The following ZNF607 variants were observed in gnomAD, a reference collection of about 807,000 sequenced individuals.
The protein encoded by ZNF607 is zinc finger protein 607.
A neutral mutation model predicts 12.8 loss-of-function variants in ZNF607; 5 were observed. The ratio of observed to expected loss-of-function variants is 0.39; its 90% CI spans 0.20 to 0.82. The LOEUF is 0.82. Among genes scored for constraint, ZNF607 ranks in the 40% least tolerant of loss-of-function variants. ZNF607 has a pLI of 0.39. For synonymous variants in ZNF607, 287 were observed against 276.2 expected (o/e 1.04, Z -0.39); for missense variants, 851 against 859.2 (o/e 0.99, Z 0.12).
rs1003021689 is a variant in ZNF607 at position 37,712,955 on chromosome 19, A to G, written c.-74-1263T>C. ...CTGTCCCTGAGAAATCTCCTCTGTGAATGGATGATGGTCTCAATACAGCTT... is the reference window on the plus strand; with the variant it reads ...CTGTCCCTGAGAAATCTCCTCTGTGGATGGATGATGGTCTCAATACAGCTT... On this transcript the variant is annotated intron_variant, in intron 1 of 4. Coordinates refer to ENST00000355202, the MANE Select transcript of ZNF607 (RefSeq NM_032689.5). 2.0e-5 allele frequency among the ~76,000 whole-genome samples: 3 copies of G among 152,136 alleles called. No homozygotes were observed. The East Asian group carries it at 5.8e-4, about 29-fold the overall frequency.
Position 37,698,175 on chromosome 19 carries a change from T to C in ZNF607, c.1956A>G (p.Lys652=), listed in dbSNP as rs764301291. 1 of 1,614,110 alleles carries C rather than the reference T, an allele frequency of 6.2e-7. No individual in the cohort carries two copies. The highest frequency in any genetic ancestry group is 1.1e-5 in the South Asian group (1 of 91,076). Residue 652 remains lysine (K), a synonymous_variant, in exon 5 of 5, where the codon AAA becomes AAG. Coordinates refer to ENST00000355202, the MANE Select transcript of ZNF607 (RefSeq NM_032689.5). ...TAAGTTCATGGCTACTATTAAAAGCTTTCCCACACTCTTCACACATATAGG... is the reference window on the plus strand; with the variant it reads ...TAAGTTCATGGCTACTATTAAAAGCCTTCCCACACTCTTCACACATATAGG... The part of the protein sequence containing the change: ...GNPYMCEECG[K]AFNSSHELSI...
chr19:37,717,919 A>G (rs1246563555), intron 1 of ZNF607, among the ~76,000 whole-genome samples: 2 of 152,046 alleles, frequency 1.3e-5, no homozygotes, highest in Non-Finnish European at 2.9e-5. Context: ...ACAGCTATTT[A>G]TCCTGTGACA....
Position 37,699,542 on chromosome 19 carries a change from A to G in ZNF607, c.589T>C (p.Tyr197His), listed in dbSNP as rs777718238. The stretch of plus-strand genomic sequence containing the variant: ...GCTTCCCCACACTCTTTACATTCAT[A>G]GGGTTTCTCAACATGAACTTTCCCA... Reference protein sequence around the residue: ...QHGKVHVEKPYECKECGEAFR... With the variant: ...QHGKVHVEKPHECKECGEAFR... Residue 197 changes from tyrosine (Y) to histidine (H), a missense_variant, in exon 5 of 5, where the codon TAT becomes CAT. Transcript: ENST00000355202. 3.7e-6 allele frequency: 6 copies of G among 1,613,976 alleles called. No homozygotes were observed. In the African/African-American group the frequency reaches 6.7e-5, roughly 18 times the overall value.
chr19:37,708,140 A>G (rs2145238366), intron 3 of ZNF607, 128 bp from the exon 4 acceptor site: 3 of 661,038 alleles, frequency 4.5e-6, no homozygotes, highest in South Asian at 5.2e-5. Flanking sequence ...TGAGGGAAAT[A>G]AAGAAAAAGA....
chr19:37,698,989 G>GT lies in ZNF607; in HGVS notation c.1141dup (p.Thr381AsnfsTer8), dbSNP rs973380319. 6.2e-7 allele frequency: 1 copy of GT among 1,613,260 alleles called. No homozygotes were observed. The highest frequency in any genetic ancestry group is 8.5e-7 in the Non-Finnish European group (1 of 1,179,832). ...ACCACTATGAATACCCTGATGTCGA[G>GT]TAAGTCGTCCATGCACACTAAAGGC... On this transcript the variant is annotated frameshift_variant, in exon 5 of 5. Transcript: ENST00000355202. LOFTEE classifies it low-confidence loss of function (END_TRUNC).
intron 4 of ZNF607, among the ~76,000 whole-genome samples, chr19:37,701,432 C>T (rs1568403816): frequency 6.6e-6 from 1 of 152,222 alleles, no homozygotes; most frequent in Non-Finnish European, 1.5e-5. Flanking sequence ...ACTACCTGCT[C>T]TGCCCTGACT....
rs2044973843 is a variant in ZNF607 at position 37,696,398 on chromosome 19, A to G, written c.*1642T>C. The G allele has an allele frequency of 4.9e-6, 1 of 204,884 alleles. No individual in the cohort carries two copies. Among genetic ancestry groups the G allele is most frequent in the South Asian group, 9.6e-5 (1 of 10,464 alleles). The allele number at this position is 204,884 out of a possible 1,614,324, so 12.7% of individuals were successfully genotyped here. On this transcript the variant is annotated 3_prime_UTR_variant, in exon 5 of 5. Coordinates refer to ENST00000355202, the MANE Select transcript of ZNF607 (RefSeq NM_032689.5). ...ATATACAGAAGCTAATGTTTATTGAACGTAACAGTATATTTCATGTAGTTT... is the reference window on the plus strand; with the variant it reads ...ATATACAGAAGCTAATGTTTATTGAGCGTAACAGTATATTTCATGTAGTTT...
At chr19:37,714,183 G>T (rs923036050) in intron 1 of ZNF607, among the ~76,000 whole-genome samples, 80 of 151,964 alleles carry the variant, frequency 5.3e-4, no homozygotes, top group African/African-American at 1.8e-3. Flanking sequence ...TTAGCCAGGC[G>T]TGGTGGCGGG....
At chr19:37,707,765 AT>A in intron 4 of ZNF607, 148 bp downstream of exon 4, 1 of 616,168 alleles carries the variant, frequency 1.6e-6, no homozygotes, top group African/African-American at 1.9e-5. Flanking sequence ...ATGCTGAGAT[AT>A]CCATTTCTTC....
At chr19:37,707,243 G>T (rs1293567079) in intron 4 of ZNF607, among the ~76,000 whole-genome samples, 1 of 152,160 alleles carries the variant, frequency 6.6e-6, no homozygotes, top group Non-Finnish European at 1.5e-5. Flanking sequence ...TGTAATCTTG[G>T]CACGTTGGGA....
chr19:37,717,850 A>G (rs1393979346), intron 1 of ZNF607, among the ~76,000 whole-genome samples: 2 of 151,312 alleles, frequency 1.3e-5, no homozygotes, highest in Non-Finnish European at 3.0e-5. Context: ...AGAGTTGCAT[A>G]TATAGTTTGA....
chr19:37,707,969 C>T lies in ZNF607; in HGVS notation c.180G>A (p.Glu60=). ...CAATCATCCATGGCTCTTTTCCTTGCTCCAATAAGGTGATTAAATCTGGCT... is the reference window on the plus strand; with the variant it reads ...CAATCATCCATGGCTCTTTTCCTTGTTCCAATAAGGTGATTAAATCTGGCT... The part of the protein sequence containing the change: ...VSKPDLITLL[E]QGKEPWMIVR... The change falls in exon 4 of 5, where the codon GAG becomes GAA. Residue 60 remains glutamate (E), a synonymous_variant. Coordinates refer to ENST00000355202, the MANE Select transcript of ZNF607 (RefSeq NM_032689.5). The T allele has an allele frequency of 1.9e-6, 3 of 1,614,032 alleles. No individual in the cohort carries two copies. The highest frequency in any genetic ancestry group is 4.5e-5 in the East Asian group (2 of 44,868).
At chr19:37,704,619 T>C (rs553021705) in intron 4 of ZNF607, among the ~76,000 whole-genome samples, 1 of 152,270 alleles carries the variant, frequency 6.6e-6, no homozygotes, top group African/African-American at 2.4e-5. Context: ...AAGAATTACC[T>C]AGGGGAAATT....
At position 37,698,673 on chromosome 19, in the gene ZNF607, A is replaced by T. The variant is rs1210051556; in HGVS notation, c.1458T>A (p.Phe486Leu). Residue 486 changes from phenylalanine (F) to leucine (L), a missense_variant, in exon 5 of 5, where the codon TTT becomes TTA. Coordinates refer to ENST00000355202, the MANE Select transcript of ZNF607 (RefSeq NM_032689.5). ...GTATAGTGAGTTTATGGCTATAACT[A>T]AAACCCTTCCCACACTCTTGACATA... ...PYVCQECGKG[F>L]SYSHKLTIHR... is the part of the protein sequence containing the mutation. 6.2e-7 allele frequency: 1 copy of T among 1,613,956 alleles called. No individual in the cohort carries two copies. Among genetic ancestry groups the T allele is most frequent in the African/African-American group, 1.3e-5 (1 of 74,990 alleles).
At position 37,698,678 on chromosome 19, in the gene ZNF607, C is replaced by A; in HGVS notation, c.1453G>T (p.Gly485Cys). ...GTGAGTTTATGGCTATAACTAAAAC[C>A]CTTCCCACACTCTTGACATACATAG... ...KPYVCQECGK[G>C]FSYSHKLTIH... Residue 485 changes from glycine (G) to cysteine (C), a missense_variant, in exon 5 of 5, where the codon GGT becomes TGT. By Grantham distance (159) the Gly-to-Cys change is radical. Coordinates refer to ENST00000355202, the MANE Select transcript of ZNF607 (RefSeq NM_032689.5). The A allele has an allele frequency of 1.2e-6, 2 of 1,612,564 alleles. No homozygotes were observed. The highest frequency in any genetic ancestry group is 1.7e-6 in the Non-Finnish European group (2 of 1,179,380).
At chr19:37,709,495 T>C (rs1056521656) in intron 3 of ZNF607, among the ~76,000 whole-genome samples, 1 of 152,236 alleles carries the variant, frequency 6.6e-6, no homozygotes, top group African/African-American at 2.4e-5. Context: ...GAGGTGTGAA[T>C]GTCACTGAAA....
intron 1 of ZNF607, among the ~76,000 whole-genome samples, chr19:37,713,098 G>A (rs1011212750): frequency 2.0e-5 from 3 of 151,668 alleles, no homozygotes; most frequent in African/African-American, 4.8e-5. Context: ...TTTCTATCTA[G>A]TATCATTACA....
In ZNF607 at chr19:37,707,952, C is replaced by G; in HGVS notation, c.197G>C (p.Trp66Ser). Reference sequence around the variant, plus strand: ...TCTTGTTTCTTCCCTCACAATCATCCATGGCTCTTTTCCTTGCTCCAATAA... The same window carrying G: ...TCTTGTTTCTTCCCTCACAATCATCGATGGCTCTTTTCCTTGCTCCAATAA... ...ITLLEQGKEP[W>S]MIVREETRGE... is the part of the protein sequence containing the mutation. Residue 66 changes from tryptophan to serine, a missense_variant, in exon 4 of 5, where the codon TGG becomes TCG. Trp to Ser is a radical substitution (Grantham distance 177). Transcript: ENST00000355202. 6.2e-7 allele frequency: 1 copy of G among 1,614,024 alleles called. No homozygotes were observed. Among genetic ancestry groups the G allele is most frequent in the Non-Finnish European group, 8.5e-7 (1 of 1,179,964 alleles).
chr19:37,696,458 CTTTG>C lies in ZNF607; in HGVS notation c.*1578_*1581del, dbSNP rs4006732. ...TTTTCATGTACTAACTCATGTAATT[CTTTG>C]TTTTTTAGAGATCTGAAGTGATTTT... On this transcript the variant is annotated 3_prime_UTR_variant, in exon 5 of 5. Coordinates refer to ENST00000355202, the MANE Select transcript of ZNF607 (RefSeq NM_032689.5). 0.015 allele frequency: 4,512 copies of C among 299,360 alleles called. 206 individuals carry two copies. Among genetic ancestry groups the C allele is most frequent in the African/African-American group, 0.092 (4,144 of 45,204 alleles). 18.5% of individuals were successfully genotyped at this position (299,360 alleles called of 1,614,324 possible).
Sources: gnomAD v4.1 joint callset for allele counts (sites outside exome capture counted in the v4.1 genomes callset) on GRCh38, gnomAD v4.1.1 for gene constraint, MANE v1.5 for transcripts, NCBI Gene and HGNC (gene_info 2026-07-23, HGNC 2026-07-21) for gene names.